The following AHNAK2 variants were observed in gnomAD, a reference collection of about 807,000 sequenced individuals.
The protein encoded by AHNAK2 is AHNAK nucleoprotein 2, also known as protein AHNAK2.
AHNAK2 carries 18 observed loss-of-function variants against 30.7 expected under a neutral mutation model. The observed-to-expected ratio is 0.59, with a 90% CI of 0.41 to 0.87. The LOEUF is 0.87. Ranked by LOEUF, AHNAK2 falls within the 40% of genes least tolerant of loss-of-function variation. AHNAK2 has a pLI of 0.00. For missense variants in AHNAK2, 8,604 were observed against 7,373.0 expected, an observed-to-expected ratio of 1.17 and a Z score of -6.11; for synonymous variants, 3,590 against 3,073.8, an observed-to-expected ratio of 1.17 and a Z score of -5.56.
In AHNAK2 at chr14:104,946,972, C is replaced by G. The variant is rs760379390; in HGVS notation, c.8479G>C (p.Ala2827Pro). The change falls in exon 7 of 7, where the codon GCC (alanine) becomes CCC (proline). Residue 2827 changes from alanine to proline, a missense_variant. Coordinates refer to ENST00000333244, the MANE Select transcript of AHNAK2 (RefSeq NM_138420.4). Reference sequence around the variant, plus strand: ...GAGGCCTCGATGGACTTGCCTGGGGCCGACACCCCGAATGACGGCATCTTG... The same window carrying G: ...GAGGCCTCGATGGACTTGCCTGGGGGCGACACCCCGAATGACGGCATCTTG... ...KFKMPSFGVS[A>P]PGKSIEASVD... is the part of the protein sequence containing the mutation. The G allele has an allele frequency of 5.0e-6, 8 of 1,612,640 alleles. No individual in the cohort carries two copies. In the African/African-American group the frequency reaches 8.1e-5, roughly 16 times the overall value.
In AHNAK2 at chr14:104,941,128, TGAGATCAAGCCGGGATGA is replaced by T; in HGVS notation, c.14305_14322del (p.Ser4769_Leu4774del). ...ATAGAAGATTCAAAGTGAGGACCAG[TGAGATCAAGCCGGGATGA>T]TGGAAACCCAGCAAAACCCACCTTA... On this transcript the variant is annotated inframe_deletion, in exon 7 of 7. Coordinates refer to ENST00000333244, the MANE Select transcript of AHNAK2 (RefSeq NM_138420.4). The T allele has an allele frequency of 1.2e-6, 2 of 1,613,378 alleles. No individual in the cohort carries two copies. Among genetic ancestry groups the T allele is most frequent in the Non-Finnish European group, 1.7e-6 (2 of 1,179,768 alleles).
chr14:104,955,839 C>T (rs867857044), intron 4 of AHNAK2, among the ~76,000 whole-genome samples: 6 of 152,268 alleles, frequency 3.9e-5, no homozygotes, highest in Non-Finnish European at 8.8e-5. Context: ...CCTGCCAGAA[C>T]TCTTGTCCCC....
rs767176302 is a variant in AHNAK2 at position 104,952,978 on chromosome 14, C to T, written c.2473G>A (p.Glu825Lys). 151 of 1,612,768 alleles carry T rather than the reference C, an allele frequency of 9.4e-5. No individual in the cohort carries two copies. Among genetic ancestry groups the T allele is most frequent in the Non-Finnish European group, 1.2e-4 (147 of 1,179,634 alleles). ...AACTTGCTGTCTTTGGCAGTCACCT[C>T]CTTGTCGGCCAGGGACAGGTCCCCC... ...LEGDLSLADK[E>K]VTAKDSKFKM... The change falls in exon 7 of 7, where the codon GAG becomes AAG. Residue 825 changes from glutamate (E) to lysine (K), a missense_variant. Physicochemically the swap from Glu to Lys is moderately conservative, Grantham distance 56 (BLOSUM62 1). Coordinates refer to ENST00000333244, the MANE Select transcript of AHNAK2 (RefSeq NM_138420.4).
In AHNAK2 at chr14:104,948,561, C is replaced by T. The variant is rs1238760170; in HGVS notation, c.6890G>A (p.Gly2297Asp). ...DVKAPGAKLDGARLEGDMSLA... is the reference protein window; with the variant it reads ...DVKAPGAKLDDARLEGDMSLA... Reference sequence around the variant, plus strand: ...GGACATGTCCCCCTCCAGCCGCGCACCATCCAGCTTGGCTCCTGGGGCCTT... The same window carrying T: ...GGACATGTCCCCCTCCAGCCGCGCATCATCCAGCTTGGCTCCTGGGGCCTT... Residue 2297 changes from glycine to aspartate, a missense_variant, in exon 7 of 7, where the codon GGT becomes GAT. By Grantham distance (94) the Gly-to-Asp change is moderately conservative. Coordinates refer to ENST00000333244, the MANE Select transcript of AHNAK2 (RefSeq NM_138420.4). The T allele has an allele frequency of 6.2e-7, 1 of 1,612,640 alleles. No homozygotes were observed. The highest frequency in any genetic ancestry group is 1.3e-5 in the African/African-American group (1 of 74,118).
chr14:104,954,684 C>T lies in AHNAK2; in HGVS notation c.767G>A (p.Arg256Lys). ...PRVGRGRQSQ[R>K]ERLSWPKFQS... ...AAATTTTGGCCAAGAGAGCCTCTCC[C>T]TCTGGCTCTGCCTGCCTCTCCCCAC... The change falls in exon 7 of 7, where the codon AGG becomes AAG. Residue 256 changes from arginine (R) to lysine (K), a missense_variant. Coordinates refer to ENST00000333244, the MANE Select transcript of AHNAK2 (RefSeq NM_138420.4). The surrounding 1 kb of genome is among the most constrained non-coding windows in gnomAD (Gnocchi z 4.3). The T allele has an allele frequency of 1.2e-6, 2 of 1,612,894 alleles. No individual in the cohort carries two copies. Among genetic ancestry groups the T allele is most frequent in the East Asian group, 2.2e-5 (1 of 44,864 alleles).
Position 104,947,411 on chromosome 14 carries a change from G to T in AHNAK2, c.8040C>A (p.Ala2680=). 1 of 1,608,578 alleles carries T rather than the reference G, an allele frequency of 6.2e-7. No homozygotes were observed. Reference sequence around the variant, plus strand: ...CTTGCATGGAGGGGAGGCTCATGTCGGCTTCCACCTTCAGCTCAGACACAT... The same window carrying T: ...CTTGCATGGAGGGGAGGCTCATGTCTGCTTCCACCTTCAGCTCAGACACAT... The part of the protein sequence containing the change: ...LVDVSELKVE[A]DMSLPSMQGD... The change falls in exon 7 of 7, where the codon GCC becomes GCA. Residue 2680 remains alanine, a synonymous_variant. Coordinates refer to ENST00000333244, the MANE Select transcript of AHNAK2 (RefSeq NM_138420.4).
Position 104,952,811 on chromosome 14 carries a change from G to A in AHNAK2, c.2640C>T (p.Asp880=). 6.2e-7 allele frequency: 1 copy of A among 1,612,570 alleles called. No individual in the cohort carries two copies. The highest frequency in any genetic ancestry group is 1.7e-5 in the Admixed American group (1 of 59,900). The change falls in exon 7 of 7, where the codon GAC becomes GAT. Residue 880 remains aspartate, a synonymous_variant. Transcript: ENST00000333244. The part of the protein sequence containing the change: ...SSMQGDLKAT[D]LSIQPPSADL... ...CAGCGGAAGGGGGCTGAATGCTGAG[G>A]TCAGTGGCCTTGAGGTCCCCCTGCA...
At position 104,939,777 on chromosome 14, in the gene AHNAK2, C is replaced by T. The variant is rs201788769; in HGVS notation, c.15674G>A (p.Gly5225Glu). Reference sequence around the variant, plus strand: ...TTTGACTTTAGCTGCTGCTTCACCCCCTGTTGCTGCCGGTGCCTGTGTCTG... The same window carrying T: ...TTTGACTTTAGCTGCTGCTTCACCCTCTGTTGCTGCCGGTGCCTGTGTCTG... The part of the protein sequence containing the change: ...VAQTQAPAAT[G>E]GEAAAKVKEF... Residue 5225 changes from glycine to glutamate, a missense_variant, in exon 7 of 7, where the codon GGG (glycine) becomes GAG (glutamate). Transcript: ENST00000333244. The T allele has an allele frequency of 7.4e-6, 12 of 1,613,672 alleles. No individual in the cohort carries two copies. Among genetic ancestry groups the T allele is most frequent in the Admixed American group, 3.3e-5 (2 of 60,000 alleles).
At position 104,945,938 on chromosome 14, in the gene AHNAK2, T is replaced by C. The variant is rs2819427; in HGVS notation, c.9513A>G (p.Pro3171=). Residue 3171 remains proline (P), a synonymous_variant, in exon 7 of 7, where the codon CCA becomes CCG. Coordinates refer to ENST00000333244, the MANE Select transcript of AHNAK2 (RefSeq NM_138420.4). ...SIEVLVDVSA[P]KVEADLSLPS... ...GGAGGCTCAGGTCGGCCTCCACCTT[T>C]GGCGCAGACACATCCACCAAGACCT... is the stretch of plus-strand genomic sequence containing the variant. 8,743 of 1,242,578 alleles carry C rather than the reference T, an allele frequency of 7.0e-3. 1,634 individuals carry two copies. The African/African-American group carries it at 0.1, about 14-fold the overall frequency. The allele number at this position is 1,242,578 out of a possible 1,614,324, so 77.0% of individuals were successfully genotyped here. A position where few individuals can be genotyped will look rare whatever the true frequency, so the allele number is the denominator to read the frequency against.
chr14:104,940,547 C>G lies in AHNAK2; in HGVS notation c.14904G>C (p.Lys4968Asn), dbSNP rs754428118. ...IKLPSFRWSPKKETGPKVDPE... is the reference protein window; with the variant it reads ...IKLPSFRWSPNKETGPKVDPE... ...GGTCCACCTTTGGCCCTGTTTCCTT[C>G]TTCGGGGACCACCTAAATGATGGAA... Residue 4968 changes from lysine to asparagine, a missense_variant, in exon 7 of 7, where the codon AAG becomes AAC. By Grantham distance (94) the Lys-to-Asn change is moderately conservative. Transcript: ENST00000333244. This position sits in a 1 kb window ranked among gnomAD's most constrained non-coding sequence, Gnocchi z 4.4. 6.2e-7 allele frequency: 1 copy of G among 1,613,746 alleles called. No homozygotes were observed. The highest frequency in any genetic ancestry group is 8.5e-7 in the Non-Finnish European group (1 of 1,179,822).
rs201570775 is a variant in AHNAK2, at chr14:104,946,627, G to A, written c.8824C>T (p.Pro2942Ser). 4.0e-5 allele frequency: 64 copies of A among 1,611,850 alleles called. No homozygotes were observed. In the Admixed American group the frequency reaches 4.0e-4, roughly 10 times the overall value. The change falls in exon 7 of 7, where the codon CCC becomes TCC. Residue 2942 changes from proline (P) to serine (S), a missense_variant. Pro to Ser is a moderately conservative substitution (Grantham distance 74). Transcript: ENST00000333244. Reference sequence around the variant, plus strand: ...GCCTCGACGTCCACCTCCACGCTGGGCAGAGACACCTCCACGTCGGGGGCC... The same window carrying A: ...GCCTCGACGTCCACCTCCACGCTGGACAGAGACACCTCCACGTCGGGGGCC... The part of the protein sequence containing the change: ...VTAPDVEVSL[P>S]SVEVDVEAPR...
Position 104,943,229 on chromosome 14 carries a change from C to G in AHNAK2, c.12222G>C (p.Lys4074Asn), listed in dbSNP as rs1425355049. ...GGCCTTTCAGGTCCAGCTTGGGGCC[C>G]TTAACATCTATCTGGGGGCCCTTGA... The part of the protein sequence containing the change: ...VDLKGPQIDV[K>N]GPKLDLKGPK... Residue 4074 changes from lysine to asparagine, a missense_variant, in exon 7 of 7, where the codon AAG becomes AAC. By Grantham distance (94) the Lys-to-Asn change is moderately conservative. Transcript: ENST00000333244. 1 of 1,612,980 alleles carries G rather than the reference C, an allele frequency of 6.2e-7. No homozygotes were observed. Among genetic ancestry groups the G allele is most frequent in the African/African-American group, 1.3e-5 (1 of 74,770 alleles).
chr14:104,948,222 T>C lies in AHNAK2; in HGVS notation c.7229A>G (p.Lys2410Arg), dbSNP rs11845746. ...GCCCTTGAGATCTACTTTGGGCATC[T>C]TGAAACTGGGCATCTGCAGCTTGGG... ...HLPKLQMPSF[K>R]MPKVDLKGPQ... Residue 2410 changes from lysine (K) to arginine (R), a missense_variant, in exon 7 of 7, where the codon AAG becomes AGG. By Grantham distance (26) the Lys-to-Arg change is conservative. Transcript: ENST00000333244. The C allele has an allele frequency of 9.2e-3, 14,789 of 1,612,476 alleles. 1,311 individuals are homozygous for C. In the African/African-American group the frequency reaches 0.17, roughly 19 times the overall value.
At chr14:104,969,595 C>A (rs1899414289) in intron 1 of AHNAK2, among the ~76,000 whole-genome samples, 1 of 152,174 alleles carries the variant, frequency 6.6e-6, no homozygotes, top group Non-Finnish European at 1.5e-5. Context: ...GCAGGCAGTG[C>A]ATGGGAAAAA....
In AHNAK2 at chr14:104,943,162, A is replaced by T. The variant is rs201309304; in HGVS notation, c.12289T>A (p.Ser4097Thr). 37 of 1,610,872 alleles carry T rather than the reference A, an allele frequency of 2.3e-5. No homozygotes were observed. Among genetic ancestry groups the T allele is most frequent in the Non-Finnish European group, 3.1e-5 (36 of 1,178,814 alleles). Reference protein sequence around the residue: ...VTAPDVKMSLSSMEVDVQAPR... With the variant: ...VTAPDVKMSLTSMEVDVQAPR... ...GCCTGGACGTCCACCTCCATGCTGG[A>T]CAGAGACATCTTCACATCAGGGGCT... The change falls in exon 7 of 7, where the codon TCC becomes ACC. Residue 4097 changes from serine to threonine, a missense_variant. Physicochemically the swap from Ser to Thr is moderately conservative, Grantham distance 58 (BLOSUM62 1). Transcript: ENST00000333244.
intron 1 of AHNAK2, among the ~76,000 whole-genome samples, chr14:104,961,319 C>T (rs868538662): frequency 4.6e-5 from 7 of 151,516 alleles, no homozygotes; most frequent in Admixed American, 3.3e-4. Context: ...TCAAAACCAT[C>T]CTGGCTAACA....
chr14:104,973,625 C>A (rs1432722029), intron 1 of AHNAK2, among the ~76,000 whole-genome samples: 1 of 152,178 alleles, frequency 6.6e-6, no homozygotes, highest in Non-Finnish European at 1.5e-5. Flanking sequence ...CTGCCACATC[C>A]CGGGTACCCC....
chr14:104,951,935 C>G lies in AHNAK2; in HGVS notation c.3516G>C (p.Ser1172=), dbSNP rs180868793. The G allele has an allele frequency of 2.1e-3, 3,405 of 1,608,534 alleles. 125 individuals carry two copies. In the East Asian group the frequency reaches 0.032, roughly 15 times the overall value. Residue 1172 remains serine (S), a synonymous_variant, in exon 7 of 7, where the codon TCG becomes TCC. Coordinates refer to ENST00000333244, the MANE Select transcript of AHNAK2 (RefSeq NM_138420.4). ...RFKMPKFKMP[S]FGASAPGKSI... Reference sequence around the variant, plus strand: ...ACTTGCCTGGGGCTGACGCCCCGAACGATGGCATCTTGAACTTGGGCATTT... The same window carrying G: ...ACTTGCCTGGGGCTGACGCCCCGAAGGATGGCATCTTGAACTTGGGCATTT...
At position 104,938,693 on chromosome 14, in the gene AHNAK2, CT is replaced by C. The variant is rs752040892; in HGVS notation, c.16757del (p.Gln5586ArgfsTer117). The C allele has an allele frequency of 2.5e-6, 4 of 1,613,064 alleles. No individual in the cohort carries two copies. Among genetic ancestry groups the C allele is most frequent in the Non-Finnish European group, 3.4e-6 (4 of 1,179,520 alleles). ...MISSSVNVLG[Q>X]QTLTFEVPSG... is the part of the protein sequence containing the mutation. ...AAGGAACTTCAAATGTGAGTGTTTGCTGTCCCAGTACATTGACGCTGGAAGA... is the reference window on the plus strand; with the variant it reads ...AAGGAACTTCAAATGTGAGTGTTTGCGTCCCAGTACATTGACGCTGGAAGA... On this transcript the variant is annotated frameshift_variant, in exon 7 of 7. Transcript: ENST00000333244. LOFTEE classifies it low-confidence loss of function (END_TRUNC).
Sources: gnomAD v4.1 joint callset for allele counts (sites outside exome capture counted in the v4.1 genomes callset) on GRCh38, gnomAD v4.1.1 for gene constraint, Gnocchi (gnomAD v3.1) non-coding constraint, MANE v1.5 for transcripts, NCBI Gene and HGNC (gene_info 2026-07-23, HGNC 2026-07-21) for gene names.